Variants in DNAJB14 observed in about 807,000 individuals in gnomAD.
The protein encoded by DNAJB14 is DnaJ heat shock protein family (Hsp40) member B14.
DNAJB14 carries 22 observed loss-of-function variants against 48.4 expected under a neutral mutation model. That is an observed-to-expected ratio of 0.45 (90% CI 0.32 to 0.65). DNAJB14 has a LOEUF of 0.65. Among genes scored for constraint, DNAJB14 ranks in the 30% least tolerant of loss-of-function variants. DNAJB14 has a pLI of 0.03. For missense variants in DNAJB14, 319 were observed against 458.8 expected (o/e 0.70, Z 2.78); for synonymous variants, 142 against 158.7 (o/e 0.89, Z 0.79).
chr4:99,909,013 G>T, intron 3 of DNAJB14, 117 bp from the exon 4 acceptor site: 2 of 635,134 alleles, frequency 3.1e-6, no homozygotes, highest in Non-Finnish European at 4.8e-6. Flanking sequence ...CCAGAAAATT[G>T]TTAAAAATAA....
At chr4:99,944,559 G>C (rs1726996662) in intron 1 of DNAJB14, among the ~76,000 whole-genome samples, 1 of 151,418 alleles carries the variant, frequency 6.6e-6, no homozygotes, top group South Asian at 2.1e-4. Flanking sequence ...TTTTACTGTA[G>C]CTTTTTTTTG....
At chr4:99,907,906 T>G (rs1445221561) in intron 4 of DNAJB14, among the ~76,000 whole-genome samples, 1 of 152,184 alleles carries the variant, frequency 6.6e-6, no homozygotes, top group East Asian at 1.9e-4. Context: ...CACAGTACAG[T>G]AAGTCCTCAC....
intron 4 of DNAJB14, 101 bp downstream of exon 4, chr4:99,908,610 G>T: frequency 2.2e-6 from 2 of 916,820 alleles, no homozygotes; most frequent in South Asian, 2.9e-5. Context: ...AACACTACAA[G>T]AAATGTAGGG....
At position 99,901,045 on chromosome 4, in the gene DNAJB14, G is replaced by A. The variant is rs754780622; in HGVS notation, c.1123C>T (p.Leu375Phe). ...ATTCCAGTTCATCCTCCTTTATAAA[G>A]ACTGGTAAGCCGCTCTAATTCTTTA... ...NCKELERLTSLYKGG is the reference protein window; with the variant it reads ...NCKELERLTSFYKGG Residue 375 changes from leucine (L) to phenylalanine (F), a missense_variant, in exon 8 of 8, where the codon CTT (leucine) becomes TTT (phenylalanine). Leu to Phe is a conservative substitution (Grantham distance 22). Around this residue, in one of 3 missense-constraint regions of DNAJB14, gnomAD observed 166 missense variants for 236.3 expected, o/e 0.70. Coordinates refer to ENST00000442697, the MANE Select transcript of DNAJB14 (RefSeq NM_001031723.4). 3 of 1,608,006 alleles carry A rather than the reference G, an allele frequency of 1.9e-6. No individual in the cohort carries two copies. Among genetic ancestry groups the A allele is most frequent in the Non-Finnish European group, 2.5e-6 (3 of 1,178,230 alleles).
intron 3 of DNAJB14, among the ~76,000 whole-genome samples, chr4:99,910,947 A>G (rs1186305679): frequency 1.3e-5 from 2 of 152,044 alleles, no homozygotes; most frequent in African/African-American, 2.4e-5. Flanking sequence ...CAAACAGGAT[A>G]TTGACACTGA....
rs1377931906 is a variant in DNAJB14, at chr4:99,903,827, T to G, written c.914A>C (p.Lys305Thr). ...TAATAACATTCCTTTATATTCATTT[T>G]TGAAGTCCTTGTTGACATAATAAAC... ...GVVYYVNKDF[K>T]NEYKGMLLQK... Residue 305 changes from lysine (K) to threonine (T), a missense_variant, in exon 7 of 8, where the codon AAA (lysine) becomes ACA (threonine). This residue lies in a region of DNAJB14 where 166 missense variants were observed against 236.3 expected (regional missense o/e 0.70). Coordinates refer to ENST00000442697, the MANE Select transcript of DNAJB14 (RefSeq NM_001031723.4). 2 of 1,613,110 alleles carry G rather than the reference T, an allele frequency of 1.2e-6. No individual in the cohort carries two copies. The highest frequency in any genetic ancestry group is 3.3e-5 in the Admixed American group (2 of 59,846).
At chr4:99,920,877 T>C (rs140099811) in intron 3 of DNAJB14, among the ~76,000 whole-genome samples, 2 of 152,338 alleles carry the variant, frequency 1.3e-5, no homozygotes, top group African/African-American at 4.8e-5. Flanking sequence ...TTTTAGTAAT[T>C]ACAGAGCAAT....
intron 5 of DNAJB14, chr4:99,906,189 G>A: frequency 7.5e-7 from 1 of 1,333,850 alleles, no homozygotes; most frequent in Non-Finnish European, 9.8e-7. Flanking sequence ...TTAGAACAAG[G>A]AAAGTTACCT....
At chr4:99,907,579 G>A (rs964927558) in intron 4 of DNAJB14, among the ~76,000 whole-genome samples, 3 of 152,110 alleles carry the variant, frequency 2.0e-5, no homozygotes, top group Non-Finnish European at 4.4e-5. Flanking sequence ...TTGGGAGGCT[G>A]AGATGGGAGG....
Position 99,900,398 on chromosome 4 carries a change from A to T in DNAJB14, c.*630T>A. On this transcript the variant is annotated 3_prime_UTR_variant, in exon 8 of 8. Coordinates refer to ENST00000442697, the MANE Select transcript of DNAJB14 (RefSeq NM_001031723.4). ...AAACTAAATAGCAAACTGATATTCT[A>T]CACCAGTTCATTTATCTCAATATAT... 1 of 152,168 alleles carries T rather than the reference A, an allele frequency of 6.6e-6. No homozygotes were observed. Among genetic ancestry groups the T allele is most frequent in the Admixed American group, 6.5e-5 (1 of 15,274 alleles). The allele number at this position is 152,168 out of a possible 1,614,324, so 9.4% of individuals were successfully genotyped here. A position where few individuals can be genotyped will look rare whatever the true frequency, so the allele number is the denominator to read the frequency against.
chr4:99,928,544 G>C (rs1362620706), intron 2 of DNAJB14: 1 of 440,300 alleles, frequency 2.3e-6, no homozygotes, highest in Admixed American at 2.4e-5. Context: ...ATCAATACCA[G>C]AACAAAGAGG....
At chr4:99,931,593 CA>C in intron 1 of DNAJB14, among the ~76,000 whole-genome samples, 1 of 152,106 alleles carries the variant, frequency 6.6e-6, no homozygotes, top group East Asian at 1.9e-4. Context: ...ATTGAGGATA[CA>C]GATGACTTAG....
chr4:99,930,765 C>G (rs1419361855), intron 1 of DNAJB14, 144 bp from the exon 2 acceptor site: 3 of 762,820 alleles, frequency 3.9e-6, no homozygotes, highest in Non-Finnish European at 4.0e-6. Context: ...GCACGCATTC[C>G]CCTAAGTACT....
rs1428764096 is a variant in DNAJB14 at position 99,897,743 on chromosome 4, G to GA, written c.*3284dup. On this transcript the variant is annotated 3_prime_UTR_variant, in exon 8 of 8. Coordinates refer to ENST00000442697, the MANE Select transcript of DNAJB14 (RefSeq NM_001031723.4). ...TTCATTAGTTTTTCTGTTCAGATAA[G>GA]AAAAAAGATTATGAATTCCCTTTCA... 6.6e-6 allele frequency: 1 copy of GA among 151,932 alleles called. No individual in the cohort carries two copies. Among genetic ancestry groups the GA allele is most frequent in the African/African-American group, 2.4e-5 (1 of 41,418 alleles). 9.4% of individuals were successfully genotyped at this position (151,932 alleles called of 1,614,324 possible).
intron 3 of DNAJB14, among the ~76,000 whole-genome samples, chr4:99,919,602 C>CAAAG (rs1374426682): frequency 2.0e-5 from 3 of 151,716 alleles, no homozygotes; most frequent in African/African-American, 7.3e-5. Flanking sequence ...AACAAACAAA[C>CAAAG]AAACAAACAA....
At chr4:99,943,616 C>T (rs1447643193) in intron 1 of DNAJB14, among the ~76,000 whole-genome samples, 2 of 152,136 alleles carry the variant, frequency 1.3e-5, no homozygotes, top group African/African-American at 2.4e-5. Context: ...CTCCATTTTA[C>T]AGACGAAAAA....
chr4:99,930,800 C>A (rs1240023876), intron 1 of DNAJB14, among the ~76,000 whole-genome samples, 179 bp from the exon 2 acceptor site: 1 of 152,170 alleles, frequency 6.6e-6, no homozygotes, highest in Non-Finnish European at 1.5e-5. Flanking sequence ...ACACTAATCA[C>A]CATCTAGAAG....
chr4:99,925,710 AAAAC>A (rs1560741426), intron 2 of DNAJB14: 1 of 152,200 alleles, frequency 6.6e-6, no homozygotes, highest in African/African-American at 2.4e-5. Flanking sequence ...AATTGGGAGA[AAAAC>A]AAGCAATAAA....
Position 99,916,860 on chromosome 4 carries a change from C to T in DNAJB14, c.451+6180G>A, listed in dbSNP as rs967654788. ...ATTTAAAACATAATTGCCAGCCGGGCGTGGTGGCTCAAGCCTGTAATCCCA... is the reference window on the plus strand; with the variant it reads ...ATTTAAAACATAATTGCCAGCCGGGTGTGGTGGCTCAAGCCTGTAATCCCA... On this transcript the variant is annotated intron_variant, in intron 3 of 7. Coordinates refer to ENST00000442697, the MANE Select transcript of DNAJB14 (RefSeq NM_001031723.4). 5.9e-5 allele frequency among the ~76,000 whole-genome samples: 9 copies of T among 152,152 alleles called. No homozygotes were observed. The Middle Eastern group carries it at 0.014, about 230-fold the overall frequency.
Sources: gnomAD v4.1 joint callset for allele counts (sites outside exome capture counted in the v4.1 genomes callset) on GRCh38, gnomAD v4.1.1 for gene constraint, gnomAD v4.1.1 regional missense constraint, MANE v1.5 for transcripts, NCBI Gene and HGNC (gene_info 2026-07-23, HGNC 2026-07-21) for gene names.